UGT1A7: variants seen among roughly 807,000 people sequenced by gnomAD.
UGT1A7 encodes the protein UDP-glucuronosyltransferase 1A7.
In UGT1A7, 33 loss-of-function variants were observed where a neutral mutation model predicts 45.6. The observed-to-expected ratio is 0.72, with a 90% CI of 0.55 to 0.97. The LOEUF (loss-of-function observed/expected upper bound fraction) is 0.97, where lower values mean the gene tolerates loss of function less well. UGT1A7 is among the 50% of genes least tolerant of loss of function. The pLI, the probability that UGT1A7 is intolerant of heterozygous loss-of-function variation, is 0.00. For synonymous variants in UGT1A7, 274 were observed against 250.6 expected (o/e 1.09, Z -0.88); for missense variants, 684 against 666.2 (o/e 1.03, Z -0.29).
At chr2:233,761,114 G>A (rs570314042) in intron 1 of UGT1A7, 1 of 1,614,204 alleles carries the variant, frequency 6.2e-7, no homozygotes, top group South Asian at 1.1e-5. Context: ...GTTTTTGTTG[G>A]TGGAATCAAC....
In UGT1A7 at chr2:233,691,037, G is replaced by A. The variant is rs45542536; in HGVS notation, c.855+8245G>A. The A allele has an allele frequency of 5.6e-5, 55 of 989,346 alleles. No individual in the cohort carries two copies. The African/African-American group carries it at 8.2e-4, about 15-fold the overall frequency. 61.3% of individuals were successfully genotyped at this position (989,346 alleles called of 1,614,324 possible). ...TGTGGTTGGAAGGGCTCAGACCAACGTCCACAGCAGAGTGGAGGTCTAGTA... is the reference window on the plus strand; with the variant it reads ...TGTGGTTGGAAGGGCTCAGACCAACATCCACAGCAGAGTGGAGGTCTAGTA... On this transcript the variant is annotated intron_variant, in intron 1 of 4. Coordinates refer to ENST00000373426, the MANE Select transcript of UGT1A7 (RefSeq NM_019077.3).
intron 1 of UGT1A7, chr2:233,742,007 T>G (rs1248075328): frequency 3.3e-5 from 5 of 151,958 alleles, no homozygotes; most frequent in Admixed American, 3.3e-4. Flanking sequence ...TACACTTGGC[T>G]TTCATCAACC....
intron 1 of UGT1A7, among the ~76,000 whole-genome samples, chr2:233,762,146 C>G (rs541150164): frequency 2.2e-4 from 33 of 152,272 alleles, no homozygotes; most frequent in Admixed American, 4.6e-4. Context: ...TGTGACTTTG[C>G]ATTAATCACA....
intron 1 of UGT1A7, chr2:233,743,889 C>T: frequency 7.3e-7 from 1 of 1,366,986 alleles, no homozygotes; most frequent in Non-Finnish European, 9.8e-7. Context: ...TGCCGGGGCA[C>T]GTCCAGCACC....
chr2:233,708,944 C>T (rs937227879), intron 1 of UGT1A7, among the ~76,000 whole-genome samples: 1 of 152,118 alleles, frequency 6.6e-6, no homozygotes, highest in East Asian at 1.9e-4. Context: ...GTCACCAGAA[C>T]CCATTTATAT....
In UGT1A7 at chr2:233,772,635, A is replaced by G. The variant is rs1700539983; in HGVS notation, c.*76A>G. On this transcript the variant is annotated 3_prime_UTR_variant, in exon 5 of 5. Transcript: ENST00000373426. ...CAAACTTGAAAACAGAATCAGTGTT[A>G]AATTCATTTTATTCTTATTAAGGAA... 19 of 1,555,814 alleles carry G rather than the reference A, an allele frequency of 1.2e-5. No individual in the cohort carries two copies. Among genetic ancestry groups the G allele is most frequent in the Non-Finnish European group, 1.6e-5 (18 of 1,149,838 alleles).
At chr2:233,738,343 T>C (rs1471318863) in intron 1 of UGT1A7, among the ~76,000 whole-genome samples, 1 of 152,180 alleles carries the variant, frequency 6.6e-6, no homozygotes, top group Non-Finnish European at 1.5e-5. Context: ...TAAATTGGTG[T>C]CATGGAGAGT....
rs1162609742 is a variant in UGT1A7 at position 233,768,299 on chromosome 2, G to A, written c.1155G>A (p.Met385Ile). ...AAAGCATATGCAATGGCGTTCCCAT[G>A]GTGATGATGCCCTTGTTTGGTGATC... ...VYESICNGVP[M>I]VMMPLFGDQM... Residue 385 changes from methionine to isoleucine, a missense_variant, in exon 4 of 5, where the codon ATG becomes ATA. Coordinates refer to ENST00000373426, the MANE Select transcript of UGT1A7 (RefSeq NM_019077.3). The A allele has an allele frequency of 2.5e-6, 4 of 1,614,176 alleles. No individual in the cohort carries two copies. The highest frequency in any genetic ancestry group is 2.7e-5 in the African/African-American group (2 of 75,038).
intron 1 of UGT1A7, chr2:233,747,494 G>A (rs1693698047): frequency 1.2e-6 from 2 of 1,608,660 alleles, no homozygotes; most frequent in Non-Finnish European, 1.7e-6. Flanking sequence ...GCCTTGTGCT[G>A]GGCCACACTC....
intron 1 of UGT1A7, chr2:233,692,705 A>T: frequency 2.3e-6 from 1 of 440,436 alleles, no homozygotes; most frequent in Non-Finnish European, 3.0e-6. Context: ...TCTCCAAGTC[A>T]TCTTCAAAGT....
intron 1 of UGT1A7, chr2:233,713,639 C>T (rs772966162): frequency 3.1e-6 from 5 of 1,613,978 alleles, no homozygotes; most frequent in South Asian, 1.1e-5. Context: ...ACATGCTCTA[C>T]CCTCTGGCCC....
At chr2:233,688,761 C>T (rs1179543054) in intron 1 of UGT1A7, among the ~76,000 whole-genome samples, 1 of 152,092 alleles carries the variant, frequency 6.6e-6, no homozygotes, top group Non-Finnish European at 1.5e-5. Context: ...ATCAAATGAA[C>T]ATGGCTTTGC....
intron 1 of UGT1A7, among the ~76,000 whole-genome samples, chr2:233,761,951 C>T (rs997594435): frequency 3.9e-5 from 6 of 152,200 alleles, no homozygotes; most frequent in Non-Finnish European, 8.8e-5. Flanking sequence ...GCGTCTGGCT[C>T]CCATTAAGGG....
chr2:233,743,988 C>A (rs893316227), intron 1 of UGT1A7: 2 of 1,273,412 alleles, frequency 1.6e-6, no homozygotes, highest in Non-Finnish European at 1.0e-6. Flanking sequence ...CAGGCGCAGG[C>A]CCGAGTGCTC....
chr2:233,767,827 C>T (rs1252355867), intron 2 of UGT1A7, 22 bp from the exon 3 acceptor site: 1 of 1,614,176 alleles, frequency 6.2e-7, no homozygotes, highest in Non-Finnish European at 8.5e-7. Flanking sequence ...TCTTTACGTT[C>T]TGCTCTTTTT....
At chr2:233,700,559 AT>A (rs1186450752) in intron 1 of UGT1A7, among the ~76,000 whole-genome samples, 1 of 152,204 alleles carries the variant, frequency 6.6e-6, no homozygotes, top group African/African-American at 2.4e-5. Context: ...GGTTATAAAA[AT>A]ATAACTTTAT....
intron 1 of UGT1A7, among the ~76,000 whole-genome samples, chr2:233,720,698 G>A (rs2076882093): frequency 6.6e-6 from 1 of 151,018 alleles, no homozygotes; most frequent in South Asian, 2.1e-4. Context: ...CATTAAGGGA[G>A]CCATCCTTTT....
rs200788361 is a variant in UGT1A7, at chr2:233,713,487, T to C, written c.855+30695T>C. ...CGCGGCGGTGCTGGCTAAGTACCTG[T>C]CGATTCCTGCTGTGTTTTTCTTGAG... On this transcript the variant is annotated intron_variant, in intron 1 of 4. Transcript: ENST00000373426. 2.0e-5 allele frequency: 33 copies of C among 1,614,038 alleles called. No homozygotes were observed. The East Asian group carries it at 7.1e-4, about 35-fold the overall frequency.
At chr2:233,715,316 T>C (rs2076444924) in intron 1 of UGT1A7, among the ~76,000 whole-genome samples, 1 of 152,236 alleles carries the variant, frequency 6.6e-6, no homozygotes, top group Non-Finnish European at 1.5e-5. Flanking sequence ...TTTTGCTTTA[T>C]ACATAGTGAT....
Sources: gnomAD v4.1 joint callset for allele counts (sites outside exome capture counted in the v4.1 genomes callset) on GRCh38, gnomAD v4.1.1 for gene constraint, MANE v1.5 for transcripts, NCBI Gene and HGNC (gene_info 2026-07-23, HGNC 2026-07-21) for gene names.